Variants in C1orf87 observed in about 807,000 individuals in gnomAD.
C1orf87 encodes chromosome 1 open reading frame 87.
Under a neutral mutation model 60.5 loss-of-function variants are expected in C1orf87, and 58 were observed. The observed-to-expected ratio is 0.96, with a 90% CI of 0.78 to 1.19. The LOEUF (loss-of-function observed/expected upper bound fraction) is 1.19. Ranked by LOEUF, C1orf87 falls within the 50% of genes most tolerant of loss-of-function variation. The pLI, the probability that C1orf87 is intolerant of heterozygous loss-of-function variation, is 0.00. For missense variants in C1orf87, 673 were observed against 638.6 expected, an observed-to-expected ratio of 1.05 and a Z score of -0.58; for synonymous variants, 236 against 227.4, an observed-to-expected ratio of 1.04 and a Z score of -0.34.
intron 8 of C1orf87, among the ~76,000 whole-genome samples, chr1:60,020,084 A>G (rs1408429614): frequency 6.6e-6 from 1 of 152,202 alleles, no homozygotes; most frequent in Non-Finnish European, 1.5e-5. Flanking sequence ...GACAATGGGG[A>G]AAATGTCTCT....
intron 8 of C1orf87, among the ~76,000 whole-genome samples, chr1:60,012,917 C>T (rs144839567): frequency 2.2e-3 from 337 of 152,222 alleles, no homozygotes; most frequent in African/African-American, 7.8e-3. Flanking sequence ...TTGTGGTCTT[C>T]GCAGTTCCAT....
At chr1:60,054,290 C>A (rs923029503) in intron 3 of C1orf87, among the ~76,000 whole-genome samples, 2 of 152,146 alleles carry the variant, frequency 1.3e-5, no homozygotes, top group Non-Finnish European at 2.9e-5. Context: ...CAGAGTATAG[C>A]CTGAGGTCCA....
chr1:60,046,462 T>C (rs1414565935), intron 3 of C1orf87, among the ~76,000 whole-genome samples: 6 of 146,100 alleles, frequency 4.1e-5, no homozygotes, highest in African/African-American at 1.5e-4. Flanking sequence ...TTTTTTTTAA[T>C]TTTTTCTGTT....
At chr1:60,021,034 T>A (rs571380995) in intron 8 of C1orf87, among the ~76,000 whole-genome samples, 1 of 151,792 alleles carries the variant, frequency 6.6e-6, no homozygotes, top group African/African-American at 2.4e-5. Flanking sequence ...ACTGTGGCAC[T>A]TCCCCCCTCA....
intron 8 of C1orf87, among the ~76,000 whole-genome samples, chr1:60,019,142 T>C (rs1456878490): frequency 6.6e-6 from 1 of 152,176 alleles, no homozygotes; most frequent in African/African-American, 2.4e-5. Context: ...CTCCATGTGT[T>C]GAAGGAGGGG....
At chr1:60,070,592 T>G (rs1481730496) in intron 2 of C1orf87, among the ~76,000 whole-genome samples, 1 of 152,150 alleles carries the variant, frequency 6.6e-6, no homozygotes, top group Non-Finnish European at 1.5e-5. Flanking sequence ...GCAATGCACA[T>G]CAATTATCCT....
At chr1:60,060,415 C>T (rs1645487601) in intron 2 of C1orf87, among the ~76,000 whole-genome samples, 1 of 152,072 alleles carries the variant, frequency 6.6e-6, no homozygotes, top group Non-Finnish European at 1.5e-5. Context: ...CAGACCTCGA[C>T]AAATAGTAAT....
intron 8 of C1orf87, among the ~76,000 whole-genome samples, chr1:60,024,681 A>G (rs1421899737): frequency 6.6e-6 from 1 of 152,122 alleles, no homozygotes; most frequent in East Asian, 1.9e-4. Context: ...TAACTCAGGG[A>G]GAATGCTGGG....
At chr1:60,005,770 C>CGTGTGTGTGTGTGTGTGTGT (rs139222813) in intron 9 of C1orf87, among the ~76,000 whole-genome samples, 14 of 144,014 alleles carry the variant, frequency 9.7e-5, no homozygotes, top group African/African-American at 3.6e-4. Flanking sequence ...GAAGCTGATT[C>CGTGTGTGTGTGTGTGTGTGT]GTGTGTGTGT....
rs1293773715 is a variant in C1orf87 at position 59,990,674 on chromosome 1, C to G, written c.1640G>C (p.Ter547SerextTer1). ...EPALRYLKEL[*>S] ...TGTTCTCACAATATGGGCTTGTTATCATAGCTCCTTTAAGTACCGCAGTGC... is the reference window on the plus strand; with the variant it reads ...TGTTCTCACAATATGGGCTTGTTATGATAGCTCCTTTAAGTACCGCAGTGC... Residue 547 changes from the stop codon to serine, a stop_lost, in exon 12 of 12, where the codon TGA (stop) becomes TCA (serine). Transcript: ENST00000371201. 1 of 1,613,764 alleles carries G rather than the reference C, an allele frequency of 6.2e-7. No homozygotes were observed. The highest frequency in any genetic ancestry group is 1.1e-5 in the South Asian group (1 of 91,050).
chr1:60,067,559 GGTTT>G (rs1261423119), intron 2 of C1orf87, among the ~76,000 whole-genome samples: 3 of 133,056 alleles, frequency 2.3e-5, no homozygotes, highest in Admixed American at 7.5e-5. Flanking sequence ...TTTTTGATGG[GGTTT>G]TTTTTTTTTT....
intron 2 of C1orf87, among the ~76,000 whole-genome samples, chr1:60,066,064 A>C (rs1033495368): frequency 6.6e-6 from 1 of 152,186 alleles, no homozygotes; most frequent in Non-Finnish European, 1.5e-5. Context: ...AAATATGCTA[A>C]TAATCATCTG....
Position 60,055,280 on chromosome 1 carries a change from G to T in C1orf87, c.266C>A (p.Pro89Gln). 6.2e-7 allele frequency: 1 copy of T among 1,614,074 alleles called. No homozygotes were observed. Among genetic ancestry groups the T allele is most frequent in the East Asian group, 2.2e-5 (1 of 44,874 alleles). Residue 89 changes from proline to glutamine, a missense_variant, in exon 3 of 12, where the codon CCA becomes CAA. Coordinates refer to ENST00000371201, the MANE Select transcript of C1orf87 (RefSeq NM_152377.3). Reference sequence around the variant, plus strand: ...GTTTTCTGATTTCTGGTTGTTCTCTGGGTGCTTTTTCTCTTTCACATCATC... The same window carrying T: ...GTTTTCTGATTTCTGGTTGTTCTCTTGGTGCTTTTTCTCTTTCACATCATC... ...NPDDVKEKKH[P>Q]ENNQKSENNQ... is the part of the protein sequence containing the mutation.
chr1:59,999,840 C>G (rs906939834), intron 10 of C1orf87, among the ~76,000 whole-genome samples: 3 of 152,126 alleles, frequency 2.0e-5, no homozygotes, highest in African/African-American at 4.8e-5. Flanking sequence ...GTTGTTACTT[C>G]TGTTTTAAAA....
At chr1:60,067,177 C>A (rs182349570) in intron 2 of C1orf87, among the ~76,000 whole-genome samples, 3 of 152,216 alleles carry the variant, frequency 2.0e-5, no homozygotes, top group Admixed American at 6.5e-5. Flanking sequence ...ATTTATAATC[C>A]TTTGGAATGG....
chr1:60,033,639 G>T lies in C1orf87; in HGVS notation c.866C>A (p.Thr289Asn), dbSNP rs1033326434. ...TESHGTHSQSTPPQHSSSQPE... is the reference protein window; with the variant it reads ...TESHGTHSQSNPPQHSSSQPE... ...CTGTGAGCTGGAGTGCTGAGGTGGAGTGCTGATTGTAGGGGAAATGGGGAA... is the reference window on the plus strand; with the variant it reads ...CTGTGAGCTGGAGTGCTGAGGTGGATTGCTGATTGTAGGGGAAATGGGGAA... Residue 289 changes from threonine to asparagine, a missense_variant and splice_region_variant, in exon 7 of 12, where the codon ACT becomes AAT. Thr to Asn is a moderately conservative substitution (Grantham distance 65, BLOSUM62 0). Transcript: ENST00000371201. 6.2e-7 allele frequency: 1 copy of T among 1,610,262 alleles called. No homozygotes were observed. Among genetic ancestry groups the T allele is most frequent in the African/African-American group, 1.3e-5 (1 of 74,840 alleles).
At chr1:60,037,510 G>T (rs1645286226) in intron 6 of C1orf87, among the ~76,000 whole-genome samples, 1 of 152,198 alleles carries the variant, frequency 6.6e-6, no homozygotes, top group African/African-American at 2.4e-5. Context: ...GGCAAGAGGA[G>T]GCAAGGGTGA....
intron 9 of C1orf87, among the ~76,000 whole-genome samples, chr1:60,007,980 G>A (rs968611267): frequency 6.6e-6 from 1 of 151,906 alleles, no homozygotes; most frequent in African/African-American, 2.4e-5. Flanking sequence ...CCTTCACTTT[G>A]ATAACATTTA....
At chr1:60,037,150 C>A (rs994468866) in intron 6 of C1orf87, among the ~76,000 whole-genome samples, 1 of 152,160 alleles carries the variant, frequency 6.6e-6, no homozygotes, top group African/African-American at 2.4e-5. Context: ...GATTCTGCAT[C>A]GGGTGAGGTG....
Sources: gnomAD v4.1 joint callset for allele counts (sites outside exome capture counted in the v4.1 genomes callset) on GRCh38, gnomAD v4.1.1 for gene constraint, MANE v1.5 for transcripts, NCBI Gene and HGNC (gene_info 2026-07-23, HGNC 2026-07-21) for gene names.